TCP10L: variants seen among roughly 807,000 people sequenced by gnomAD.
The protein encoded by TCP10L is T-complex protein 10A homolog 1.
Under a neutral mutation model 19.2 loss-of-function variants are expected in TCP10L, and 11 were observed. The ratio of observed to expected loss-of-function variants is 0.57; its 90% CI spans 0.36 to 0.95. The LOEUF (loss-of-function observed/expected upper bound fraction) is 0.95, where lower values mean the gene tolerates loss of function less well. Among genes scored for constraint, TCP10L ranks in the 40% least tolerant of loss-of-function variants. TCP10L has a pLI of 0.01. For missense variants in TCP10L, 247 were observed against 263.9 expected, an observed-to-expected ratio of 0.94 and a Z score of 0.44; for synonymous variants, 96 against 97.2, an observed-to-expected ratio of 0.99 and a Z score of 0.07.
chr21:32,576,657 T>G lies in TCP10L; in HGVS notation c.*117A>C. The G allele has an allele frequency of 2.8e-6, 3 of 1,086,110 alleles. No individual in the cohort carries two copies. Among genetic ancestry groups the G allele is most frequent in the Middle Eastern group, 2.1e-4 (1 of 4,774 alleles). The allele number at this position is 1,086,110 out of a possible 1,614,324, so 67.3% of individuals were successfully genotyped here. On this transcript the variant is annotated 3_prime_UTR_variant, in exon 5 of 5. Coordinates refer to ENST00000300258, the MANE Select transcript of TCP10L (RefSeq NM_144659.7). The stretch of plus-strand genomic sequence containing the variant: ...AATTAGTTTAATAAATTACTAGGTC[T>G]ATTTTGAATAACAAATTGAGTACTT...
chr21:32,573,874 T>C lies in TCP10L; in HGVS notation c.*2900A>G, dbSNP rs2038402699. The stretch of plus-strand genomic sequence containing the variant: ...AATAACATACAAATAACACCTGCCA[T>C]GACTGTGGCACTGTTTCTAAATGCA... On this transcript the variant is annotated 3_prime_UTR_variant, in exon 5 of 5. Coordinates refer to ENST00000300258, the MANE Select transcript of TCP10L (RefSeq NM_144659.7). Among the ~76,000 whole-genome samples, 1 of 152,116 alleles carries C rather than the reference T, an allele frequency of 6.6e-6. No individual in the cohort carries two copies. The highest frequency in any genetic ancestry group is 1.5e-5 in the Non-Finnish European group (1 of 68,026).
At chr21:32,577,723 C>T (rs939566476) in intron 4 of TCP10L, 2 of 152,132 alleles carry the variant, frequency 1.3e-5, no homozygotes, top group African/African-American at 4.8e-5. Context: ...GAGACCAGCT[C>T]GGTCAGGAAG....
Position 32,582,080 on chromosome 21 carries a change from C to A in TCP10L, c.360+120G>T. ...TGGAGTTGATGGAAAGATAGCAACC[C>A]CTCCCACCACCCGGAGCGTGAGTGA... On this transcript the variant is annotated intron_variant, in intron 3 of 4. Coordinates refer to ENST00000300258, the MANE Select transcript of TCP10L (RefSeq NM_144659.7). This position sits in a 1 kb window ranked among gnomAD's most constrained non-coding sequence, Gnocchi z 4.2. 8.6e-6 allele frequency: 10 copies of A among 1,156,700 alleles called. No homozygotes were observed. Among genetic ancestry groups the A allele is most frequent in the Non-Finnish European group, 1.2e-5 (10 of 804,308 alleles). 71.7% of individuals were successfully genotyped at this position (1,156,700 alleles called of 1,614,324 possible).
chr21:32,583,547 C>T (rs1185535328), intron 2 of TCP10L, among the ~76,000 whole-genome samples: 1 of 147,914 alleles, frequency 6.8e-6, no homozygotes, highest in Non-Finnish European at 1.5e-5. Flanking sequence ...CGAGATCCCG[C>T]CACTGCACTC....
chr21:32,582,399 A>G lies in TCP10L; in HGVS notation c.161T>C (p.Ile54Thr), dbSNP rs1815672155. Reference sequence around the variant, plus strand: ...CCCAAGCTCTTGGTGGAGTCTGATGATCTGCTGCTGTAATGGCTGTTATTG... The same window carrying G: ...CCCAAGCTCTTGGTGGAGTCTGATGGTCTGCTGCTGTAATGGCTGTTATTG... ...TGEMPPLQQQ[I>T]IRLHQELGRQ... The change falls in exon 3 of 5, where the codon ATC becomes ACC. Residue 54 changes from isoleucine to threonine, a missense_variant. By Grantham distance (89) the Ile-to-Thr change is moderately conservative. Transcript: ENST00000300258. This position sits in a 1 kb window ranked among gnomAD's most constrained non-coding sequence, Gnocchi z 4.2. 2.5e-6 allele frequency: 4 copies of G among 1,612,724 alleles called. No homozygotes were observed. Among genetic ancestry groups the G allele is most frequent in the East Asian group, 2.2e-5 (1 of 44,870 alleles).
intron 1 of TCP10L, 58 bp from the exon 2 acceptor site, chr21:32,584,363 G>C: frequency 2.6e-6 from 4 of 1,563,528 alleles, no homozygotes; most frequent in Non-Finnish European, 3.5e-6. Context: ...TACCCCGTCA[G>C]TGTGGGCTGA....
chr21:32,585,346 G>T, intron 1 of TCP10L, 75 bp downstream of exon 1: 1 of 242,916 alleles, frequency 4.1e-6, no homozygotes, highest in Non-Finnish European at 8.4e-6. Context: ...AGTGTCCTCG[G>T]CCCCAAACTC....
rs962674095 is a variant in TCP10L at position 32,576,178 on chromosome 21, G to A, written c.*596C>T. On this transcript the variant is annotated 3_prime_UTR_variant, in exon 5 of 5. Coordinates refer to ENST00000300258, the MANE Select transcript of TCP10L (RefSeq NM_144659.7). The stretch of plus-strand genomic sequence containing the variant: ...ACGAGAAAGCCCCGCATTTCACGGG[G>A]AGCATAGAAACAGGAGTCCCCAACT... 8 of 1,205,048 alleles carry A rather than the reference G, an allele frequency of 6.6e-6. No individual in the cohort carries two copies. In the African/African-American group the frequency reaches 7.6e-5, roughly 11 times the overall value. 74.6% of individuals were successfully genotyped at this position (1,205,048 alleles called of 1,614,324 possible). A position where few individuals can be genotyped will look rare whatever the true frequency, so the allele number is the denominator to read the frequency against.
chr21:32,582,083 C>A lies in TCP10L; in HGVS notation c.360+117G>T. The A allele has an allele frequency of 8.3e-7, 1 of 1,200,018 alleles. No homozygotes were observed. The allele number at this position is 1,200,018 out of a possible 1,614,324, so 74.3% of individuals were successfully genotyped here. Reference sequence around the variant, plus strand: ...AGTTGATGGAAAGATAGCAACCCCTCCCACCACCCGGAGCGTGAGTGATAC... The same window carrying A: ...AGTTGATGGAAAGATAGCAACCCCTACCACCACCCGGAGCGTGAGTGATAC... On this transcript the variant is annotated intron_variant, in intron 3 of 4. Coordinates refer to ENST00000300258, the MANE Select transcript of TCP10L (RefSeq NM_144659.7). This position sits in a 1 kb window ranked among gnomAD's most constrained non-coding sequence, Gnocchi z 4.2.
chr21:32,576,268 A>G lies in TCP10L; in HGVS notation c.*506T>C. 2.5e-6 allele frequency: 4 copies of G among 1,575,434 alleles called. No homozygotes were observed. Among genetic ancestry groups the G allele is most frequent in the Non-Finnish European group, 3.5e-6 (4 of 1,151,598 alleles). On this transcript the variant is annotated 3_prime_UTR_variant, in exon 5 of 5. Coordinates refer to ENST00000300258, the MANE Select transcript of TCP10L (RefSeq NM_144659.7). ...CAGCATGGCGGCCTGGGAAGCCTGC[A>G]CTGGTGATTTTCTGCCACTCAAGTT...
In TCP10L at chr21:32,578,822, G is replaced by C; in HGVS notation, c.370C>G (p.Pro124Ala). ...GQESHTLALEPAFGKISPLSA... is the reference protein window; with the variant it reads ...GQESHTLALEAAFGKISPLSA... The stretch of plus-strand genomic sequence containing the variant: ...AGAGGTGAAATTTTTCCAAAAGCAG[G>C]TTCCAATGCCTAAAAGACAAAATGC... Residue 124 changes from proline (P) to alanine (A), a missense_variant, in exon 4 of 5, where the codon CCT becomes GCT. Physicochemically the swap from Pro to Ala is conservative, Grantham distance 27. Coordinates refer to ENST00000300258, the MANE Select transcript of TCP10L (RefSeq NM_144659.7). This position sits in a 1 kb window ranked among gnomAD's most constrained non-coding sequence, Gnocchi z 4.2. The C allele has an allele frequency of 1.9e-6, 3 of 1,614,100 alleles. No individual in the cohort carries two copies. The highest frequency in any genetic ancestry group is 2.5e-6 in the Non-Finnish European group (3 of 1,180,008).
rs1273791047 is a variant in TCP10L, at chr21:32,576,909, C to T, written c.513G>A (p.Lys171=). The T allele has an allele frequency of 2.5e-6, 4 of 1,610,832 alleles. No individual in the cohort carries two copies. The highest frequency in any genetic ancestry group is 3.4e-6 in the Non-Finnish European group (4 of 1,179,334). Residue 171 remains lysine (K), a synonymous_variant, in exon 5 of 5, where the codon AAG becomes AAA. Coordinates refer to ENST00000300258, the MANE Select transcript of TCP10L (RefSeq NM_144659.7). ...TTTTCCACGAGCTAATTCTTTCTAT[C>T]TTTAAACTCATTGGCTGAAAACAAA... ...NSAPPKPMSL[K]IERISSWKTP... is the part of the protein sequence containing the mutation.
chr21:32,576,359 A>C lies in TCP10L; in HGVS notation c.*415T>G. The C allele has an allele frequency of 7.3e-7, 1 of 1,363,568 alleles. No individual in the cohort carries two copies. The highest frequency in any genetic ancestry group is 1.0e-6 in the Non-Finnish European group (1 of 984,668). 84.5% of individuals were successfully genotyped at this position (1,363,568 alleles called of 1,614,324 possible). Reference sequence around the variant, plus strand: ...GACAGTCACAGGCCCGCCTTGTCACAAGGTCCCTGGAGCGGGCAATGCCTT... The same window carrying C: ...GACAGTCACAGGCCCGCCTTGTCACCAGGTCCCTGGAGCGGGCAATGCCTT... On this transcript the variant is annotated 3_prime_UTR_variant, in exon 5 of 5. Transcript: ENST00000300258.
chr21:32,583,024 C>CTTTTTTTTTTTTTTT (rs59972145), intron 2 of TCP10L, among the ~76,000 whole-genome samples: 1 of 94,798 alleles, frequency 1.1e-5, no homozygotes, highest in Non-Finnish European at 2.1e-5. Flanking sequence ...CATTCTTTTC[C>CTTTTTTTTTTTTTTT]TTTTTTTTTT....
chr21:32,585,097 T>C (rs1191667994), intron 1 of TCP10L, among the ~76,000 whole-genome samples: 2 of 152,158 alleles, frequency 1.3e-5, no homozygotes, highest in African/African-American at 4.8e-5. Context: ...GTTTAATTCA[T>C]AAACTTCTAA....
rs1395301153 is a variant in TCP10L, at chr21:32,575,729, A to G, written c.*1045T>C. ...ATTCTTTCCTGACTCAACCAGGGGC[A>G]CTCTCGTCTCCTCCCCGTGAGACCC... On this transcript the variant is annotated 3_prime_UTR_variant, in exon 5 of 5. Transcript: ENST00000300258. 1 of 152,930 alleles carries G rather than the reference A, an allele frequency of 6.5e-6. No homozygotes were observed. The highest frequency in any genetic ancestry group is 1.5e-5 in the Non-Finnish European group (1 of 68,340). The allele number at this position is 152,930 out of a possible 1,614,324, so 9.5% of individuals were successfully genotyped here. A position where few individuals can be genotyped will look rare whatever the true frequency, so the allele number is the denominator to read the frequency against.
chr21:32,579,328 G>A (rs2038467255), intron 3 of TCP10L, among the ~76,000 whole-genome samples: 2 of 152,292 alleles, frequency 1.3e-5, no homozygotes, highest in South Asian at 2.1e-4. Flanking sequence ...ATTATTCACC[G>A]TTCTGCCCTC....
In TCP10L at chr21:32,576,779, C is replaced by T; in HGVS notation, c.643G>A (p.Val215Ile). 6.2e-7 allele frequency: 1 copy of T among 1,612,404 alleles called. No individual in the cohort carries two copies. The highest frequency in any genetic ancestry group is 8.5e-7 in the Non-Finnish European group (1 of 1,179,572). The change falls in exon 5 of 5, where the codon GTC (valine) becomes ATC (isoleucine). Residue 215 changes from valine (V) to isoleucine (I), a missense_variant. Val to Ile is a conservative substitution (Grantham distance 29). Transcript: ENST00000300258. ...CCGAGGCCACCTTTCCATCTTCAGA[C>T]ACCCCCCCGTCTCTCTGCACAGGGA... ...PTPCAERRGG[V>I]
At chr21:32,581,076 T>C (rs752665985) in intron 3 of TCP10L, among the ~76,000 whole-genome samples, 11 of 152,120 alleles carry the variant, frequency 7.2e-5, no homozygotes, top group Non-Finnish European at 1.5e-4. Flanking sequence ...CCTATGCCTA[T>C]AAAAACCCCA....
Sources: gnomAD v4.1 joint callset for allele counts (sites outside exome capture counted in the v4.1 genomes callset) on GRCh38, gnomAD v4.1.1 for gene constraint, Gnocchi (gnomAD v3.1) non-coding constraint, MANE v1.5 for transcripts, NCBI Gene and HGNC (gene_info 2026-07-23, HGNC 2026-07-21) for gene names.